Variants in HERC3 observed in about 807,000 individuals in gnomAD.
HERC3 encodes the protein HECT and RLD domain containing E3 ubiquitin protein ligase 3.
Under a neutral mutation model 129.9 loss-of-function variants are expected in HERC3, and 58 were observed. The observed-to-expected ratio is 0.45, with a 90% CI of 0.36 to 0.56. HERC3 has a LOEUF of 0.56. HERC3 is among the 20% of genes least tolerant of loss of function. The pLI, the probability that HERC3 is intolerant of heterozygous loss-of-function variation, is 0.00. For synonymous variants in HERC3, 430 were observed against 451.0 expected, an observed-to-expected ratio of 0.95 and a Z score of 0.59; for missense variants, 835 against 1,244.2, an observed-to-expected ratio of 0.67 and a Z score of 4.95.
the HERC3 span, among the ~76,000 whole-genome samples, chr4:88,586,343 C>CT: frequency 1.2e-3 from 176 of 142,492 alleles, no homozygotes; most frequent in South Asian, 0.011. Context: ...GAATAAGCCA[C>CT]TTTTTTTTTT....
the HERC3 span, among the ~76,000 whole-genome samples, chr4:88,538,693 G>A: frequency 5.9e-5 from 9 of 151,948 alleles, no homozygotes; most frequent in African/African-American, 9.7e-5. Flanking sequence ...ACAGGTGCAC[G>A]CCACCATGCC....
chr4:88,560,877 C>G, the HERC3 span, among the ~76,000 whole-genome samples: 1 of 152,126 alleles, frequency 6.6e-6, no homozygotes, highest in Non-Finnish European at 1.5e-5. Flanking sequence ...GTGTCCTTGT[C>G]AAAAGTTATG....
At chr4:88,545,228 C>T in the HERC3 span, among the ~76,000 whole-genome samples, 1 of 151,974 alleles carries the variant, frequency 6.6e-6, no homozygotes, top group Non-Finnish European at 1.5e-5. Context: ...ATCTCATGTA[C>T]CCCAGCCATA....
chr4:88,537,829 A>G, the HERC3 span, among the ~76,000 whole-genome samples: 2 of 152,236 alleles, frequency 1.3e-5, no homozygotes, highest in Non-Finnish European at 2.9e-5. Context: ...AGCACTGAAT[A>G]TTAAAGCCTT....
chr4:88,707,191 T>C lies in HERC3; in HGVS notation c.*231T>C. On this transcript the variant is annotated 3_prime_UTR_variant, in exon 26 of 26. Coordinates refer to ENST00000402738, the MANE Select transcript of HERC3 (RefSeq NM_014606.3). ...ATTGGCCCTTGTATGGGAGGTGTTT[T>C]TGTTTTTGTTTTAAACCAAACTACC... The C allele has an allele frequency of 1.9e-6, 1 of 525,592 alleles. No individual in the cohort carries two copies. The highest frequency in any genetic ancestry group is 3.4e-6 in the Non-Finnish European group (1 of 293,378). 32.6% of individuals were successfully genotyped at this position (525,592 alleles called of 1,614,324 possible).
intron 2 of HERC3, among the ~76,000 whole-genome samples, chr4:88,602,824 G>A (rs1041169091): frequency 6.6e-6 from 1 of 152,126 alleles, no homozygotes; most frequent in Admixed American, 6.5e-5. Context: ...AACCCAAGGC[G>A]ATGCTGATTA....
intron 23 of HERC3, among the ~76,000 whole-genome samples, chr4:88,702,262 G>C (rs1735387409): frequency 6.6e-6 from 1 of 152,098 alleles, no homozygotes; most frequent in Non-Finnish European, 1.5e-5. Context: ...CACCAGCCTT[G>C]GTTTAAGCAC....
chr4:88,550,539 T>G, the HERC3 span, among the ~76,000 whole-genome samples: 1 of 152,086 alleles, frequency 6.6e-6, no homozygotes, highest in South Asian at 2.1e-4. Flanking sequence ...TCACAATTGC[T>G]TCAAAGAGAA....
chr4:88,541,203 G>A, the HERC3 span, among the ~76,000 whole-genome samples: 5 of 152,056 alleles, frequency 3.3e-5, no homozygotes, highest in Non-Finnish European at 5.9e-5. Context: ...CCTATCTCAC[G>A]TGCAGAGACA....
chr4:88,656,203 G>A (rs1009489242), intron 9 of HERC3, 168 bp downstream of exon 9: 10 of 649,302 alleles, frequency 1.5e-5, no homozygotes, highest in Non-Finnish European at 2.6e-5. Context: ...AAGCTGTAGA[G>A]TTGAGATCCT....
Position 88,687,293 on chromosome 4 carries a change from A to G in HERC3, c.2651A>G (p.Asp884Gly), listed in dbSNP as rs1184688745. The change falls in exon 23 of 26, where the codon GAT (aspartate) becomes GGT (glycine). Residue 884 changes from aspartate to glycine, a missense_variant. By Grantham distance (94) the Asp-to-Gly change is moderately conservative (BLOSUM62 -1). Transcript: ENST00000402738. Reference protein sequence around the residue: ...PGGDNVTVCKDNRQEFVDAYV... With the variant: ...PGGDNVTVCKGNRQEFVDAYV... ...GGAGATAATGTAACTGTGTGCAAGGATAACAGGTTAGTCCTGACCTTGGAC... is the reference window on the plus strand; with the variant it reads ...GGAGATAATGTAACTGTGTGCAAGGGTAACAGGTTAGTCCTGACCTTGGAC... 1 of 1,609,234 alleles carries G rather than the reference A, an allele frequency of 6.2e-7. No homozygotes were observed. The highest frequency in any genetic ancestry group is 8.5e-7 in the Non-Finnish European group (1 of 1,175,848).
chr4:88,676,321 T>G lies in HERC3; in HGVS notation c.1936-13T>G, dbSNP rs1732160936. ...GAATAGTATAATACTGTCAATAATG[T>G]GCTTTATTCTAGGATACTGTAACAC... is the stretch of plus-strand genomic sequence containing the variant. On this transcript the variant is annotated splice_polypyrimidine_tract_variant and intron_variant, in intron 17 of 25. Coordinates refer to ENST00000402738, the MANE Select transcript of HERC3 (RefSeq NM_014606.3). 3.1e-6 allele frequency: 5 copies of G among 1,596,964 alleles called. No individual in the cohort carries two copies. The highest frequency in any genetic ancestry group is 4.3e-6 in the Non-Finnish European group (5 of 1,165,138).
At chr4:88,623,377 T>A (rs1423194788) in intron 3 of HERC3, among the ~76,000 whole-genome samples, 1 of 152,240 alleles carries the variant, frequency 6.6e-6, no homozygotes, top group Non-Finnish European at 1.5e-5. Context: ...TCCCATAATG[T>A]GCTATGCATA....
chr4:88,633,482 G>C (rs1362238740), intron 3 of HERC3, among the ~76,000 whole-genome samples: 1 of 152,102 alleles, frequency 6.6e-6, no homozygotes, highest in Non-Finnish European at 1.5e-5. Context: ...TTCTAAGTAA[G>C]CTCTGAAAAG....
chr4:88,659,381 G>T (rs973533417), intron 10 of HERC3, among the ~76,000 whole-genome samples: 3 of 152,184 alleles, frequency 2.0e-5, no homozygotes, highest in African/African-American at 7.2e-5. Flanking sequence ...CTATTAGTTT[G>T]ATACTTAGCT....
chr4:88,643,462 G>C (rs1728352811), intron 3 of HERC3, among the ~76,000 whole-genome samples: 1 of 152,180 alleles, frequency 6.6e-6, no homozygotes, highest in Admixed American at 6.5e-5. Context: ...GAATAAAGTT[G>C]AAGGAATCAC....
At chr4:88,591,768 A>G (rs768749105), upstream of HERC3, among the ~76,000 whole-genome samples, 6 of 152,258 alleles carry the variant, frequency 3.9e-5, no homozygotes, top group Non-Finnish European at 7.4e-5. Context: ...AAAATCCGTT[A>G]CTGGGTATAG....
intron 3 of HERC3, among the ~76,000 whole-genome samples, chr4:88,641,436 C>A (rs956808506): frequency 2.0e-5 from 3 of 151,768 alleles, no homozygotes; most frequent in Non-Finnish European, 4.4e-5. Flanking sequence ...AAGATAAGTA[C>A]AAGGAAAGAA....
At chr4:88,643,124 A>G (rs906020165) in intron 3 of HERC3, among the ~76,000 whole-genome samples, 4 of 152,240 alleles carry the variant, frequency 2.6e-5, no homozygotes. Context: ...TGGAATAAAA[A>G]ATACAATTTA....
Sources: allele counts gnomAD v4.1 joint callset (sites outside exome capture counted in the v4.1 genomes callset), GRCh38; gene constraint gnomAD v4.1.1; transcripts MANE v1.5; gene names NCBI Gene and HGNC (gene_info 2026-07-23, HGNC 2026-07-21).